The following HPS5 variants were observed in gnomAD, a reference collection of about 807,000 sequenced individuals.
HPS5 encodes BLOC-2 complex member HPS5.
Under a neutral mutation model 128.0 loss-of-function variants are expected in HPS5, and 83 were observed. That is an observed-to-expected ratio of 0.65 (90% CI 0.54 to 0.78). The LOEUF is 0.78. HPS5 is among the 30% of genes least tolerant of loss of function. HPS5 has a pLI of 0.00. For missense variants in HPS5, 1,281 were observed against 1,326.2 expected, an observed-to-expected ratio of 0.97 and a Z score of 0.53; for synonymous variants, 475 against 470.2, an observed-to-expected ratio of 1.01 and a Z score of -0.13.
At chr11:18,320,501 C>G (rs532860584) in intron 1 of HPS5, among the ~76,000 whole-genome samples, 11 of 152,342 alleles carry the variant, frequency 7.2e-5, no homozygotes, top group Non-Finnish European at 1.5e-4. Flanking sequence ...TATGCTGAAG[C>G]CTGATCACTT....
chr11:18,295,913 A>G, intron 13 of HPS5, 86 bp downstream of exon 13: 2 of 1,405,630 alleles, frequency 1.4e-6, no homozygotes, highest in Non-Finnish European at 2.0e-6. Context: ...CCTTTTTCTC[A>G]TTTTCCATTC....
Position 18,285,351 on chromosome 11 carries a change from A to C in HPS5, c.2946T>G (p.Ser982=), listed in dbSNP as rs930376161. The part of the protein sequence containing the change: ...TKEKMTDICR[S]CGFWPGYLIL... ...TCTAAAAAATTCTCACTTACCCACA[A>C]GACCTGCAGATGTCTGTCATTTTCT... Residue 982 remains serine, a synonymous_variant, in exon 20 of 23, where the codon TCT becomes TCG. Coordinates refer to ENST00000349215, the MANE Select transcript of HPS5 (RefSeq NM_181507.2). 2 of 1,601,392 alleles carry C rather than the reference A, an allele frequency of 1.2e-6. No individual in the cohort carries two copies. Among genetic ancestry groups the C allele is most frequent in the East Asian group, 2.2e-5 (1 of 44,746 alleles).
chr11:18,292,385 G>T (rs1015476898), intron 15 of HPS5, among the ~76,000 whole-genome samples: 3 of 151,852 alleles, frequency 2.0e-5, no homozygotes, highest in Non-Finnish European at 4.4e-5. Flanking sequence ...TGGTATTTGG[G>T]GTTTCATCAT....
chr11:18,316,011 C>T (rs1863579353), intron 2 of HPS5, among the ~76,000 whole-genome samples: 1 of 152,194 alleles, frequency 6.6e-6, no homozygotes. Flanking sequence ...TATCCCAGTG[C>T]TTTAGGGAAG....
rs555375138 is a variant in HPS5 at position 18,287,177 on chromosome 11, G to A, written c.2717+358C>T. Among the ~76,000 whole-genome samples, 19 of 152,284 alleles carry A rather than the reference G, an allele frequency of 1.2e-4. No homozygotes were observed. In the East Asian group the frequency reaches 2.9e-3, roughly 23 times the overall value. ...TGGGGAGACAGAAAATCAGACATCAGCCTAAAAAGAGAAGAGCTGGAACTG... is the reference window on the plus strand; with the variant it reads ...TGGGGAGACAGAAAATCAGACATCAACCTAAAAAGAGAAGAGCTGGAACTG... On this transcript the variant is annotated intron_variant, in intron 18 of 22. Transcript: ENST00000349215.
rs1232131741 is a variant in HPS5, at chr11:18,291,988, C to T, written c.1894G>A (p.Glu632Lys). 2.5e-6 allele frequency: 4 copies of T among 1,613,720 alleles called. No individual in the cohort carries two copies. The highest frequency in any genetic ancestry group is 2.5e-6 in the Non-Finnish European group (3 of 1,179,938). ...TKLQDPLVLF[E>K]SESLRMVLQE... ...AAAACCATTCTCAGAGACTCGGATTCAAATAAAACCAGAGGGTCCTGTAGC... is the reference window on the plus strand; with the variant it reads ...AAAACCATTCTCAGAGACTCGGATTTAAATAAAACCAGAGGGTCCTGTAGC... The change falls in exon 16 of 23, where the codon GAA becomes AAA. Residue 632 changes from glutamate (E) to lysine (K), a missense_variant. Physicochemically the swap from Glu to Lys is moderately conservative, Grantham distance 56. Coordinates refer to ENST00000349215, the MANE Select transcript of HPS5 (RefSeq NM_181507.2).
intron 9 of HPS5, 36 bp from the exon 10 acceptor site, chr11:18,299,006 A>G: frequency 6.3e-7 from 1 of 1,578,672 alleles, no homozygotes; most frequent in Non-Finnish European, 8.7e-7. Context: ...ACAAAATGTT[A>G]ACCAAATACC....
At chr11:18,311,768 C>G in intron 3 of HPS5, 146 bp downstream of exon 3, 1 of 741,174 alleles carries the variant, frequency 1.3e-6, no homozygotes, top group East Asian at 2.8e-5. Flanking sequence ...GCCTTGGCCT[C>G]CCAAAATGCT....
intron 1 of HPS5, among the ~76,000 whole-genome samples, chr11:18,319,325 T>G (rs1864031592): frequency 6.7e-6 from 1 of 149,516 alleles, no homozygotes; most frequent in Non-Finnish European, 1.5e-5. Context: ...GCAAACTGCT[T>G]TGTTAGAACT....
At position 18,282,050 on chromosome 11, in the gene HPS5, G is replaced by C. The variant is rs75482179; in HGVS notation, c.3229C>G (p.Arg1077Gly). 6.2e-7 allele frequency: 1 copy of C among 1,614,162 alleles called. No homozygotes were observed. The highest frequency in any genetic ancestry group is 8.5e-7 in the Non-Finnish European group (1 of 1,180,030). ...CATTCCTGTAGCAGTGACCAAGCCCGATCTGGGCCCATGGCCTTAGCTAAC... is the reference window on the plus strand; with the variant it reads ...CATTCCTGTAGCAGTGACCAAGCCCCATCTGGGCCCATGGCCTTAGCTAAC... ...LLLAKAMGPDRAWSLLQECGL... is the reference protein window; with the variant it reads ...LLLAKAMGPDGAWSLLQECGL... Residue 1077 changes from arginine to glycine, a missense_variant, in exon 22 of 23, where the codon CGG becomes GGG. By Grantham distance (125) the Arg-to-Gly change is moderately radical. Transcript: ENST00000349215.
In HPS5 at chr11:18,310,944, T is replaced by TGAGTCACAGAGGCAAACG; in HGVS notation, c.285-29_285-12dup. On this transcript the variant is annotated splice_polypyrimidine_tract_variant and intron_variant, in intron 4 of 22. Transcript: ENST00000349215. Reference sequence around the variant, plus strand: ...ACCACAAGACCTTGACTGCAAGAATTGAGTCACAGAGGCAAACGTGGCAAC... The same window carrying TGAGTCACAGAGGCAAACG: ...ACCACAAGACCTTGACTGCAAGAATTGAGTCACAGAGGCAAACGGAGTCACAGAGGCAAACGTGGCAAC... 6.2e-7 allele frequency: 1 copy of TGAGTCACAGAGGCAAACG among 1,612,768 alleles called. No homozygotes were observed. Among genetic ancestry groups the TGAGTCACAGAGGCAAACG allele is most frequent in the Non-Finnish European group, 8.5e-7 (1 of 1,178,782 alleles).
chr11:18,311,512 T>TTAA, intron 3 of HPS5, 61 bp from the exon 4 acceptor site: 1 of 482,396 alleles, frequency 2.1e-6, no homozygotes, highest in Non-Finnish European at 3.0e-6. Flanking sequence ...ATTATTATTA[T>TTAA]TTTTTTTTTT....
At chr11:18,281,862 C>CTA (rs1859013409) in intron 22 of HPS5, 88 bp downstream of exon 22, 1 of 1,475,920 alleles carries the variant, frequency 6.8e-7, no homozygotes, top group African/African-American at 1.4e-5. Flanking sequence ...TGGGTCGGGA[C>CTA]TAAATGATCT....
At position 18,291,983 on chromosome 11, in the gene HPS5, G is replaced by A. The variant is rs139188094; in HGVS notation, c.1899C>T (p.Ser633=). The A allele has an allele frequency of 2.3e-5, 37 of 1,613,416 alleles. No individual in the cohort carries two copies. The highest frequency in any genetic ancestry group is 6.7e-5 in the East Asian group (3 of 44,878). The change falls in exon 16 of 23, where the codon TCC becomes TCT. Residue 633 remains serine, a synonymous_variant. Coordinates refer to ENST00000349215, the MANE Select transcript of HPS5 (RefSeq NM_181507.2). ...KLQDPLVLFE[S]ESLRMVLQEW... ...CCTGTAAAACCATTCTCAGAGACTCGGATTCAAATAAAACCAGAGGGTCCT... is the reference window on the plus strand; with the variant it reads ...CCTGTAAAACCATTCTCAGAGACTCAGATTCAAATAAAACCAGAGGGTCCT...
At chr11:18,310,956 G>C in intron 4 of HPS5, 23 bp from the exon 5 acceptor site, 1 of 1,594,076 alleles carries the variant, frequency 6.3e-7, no homozygotes, top group Admixed American at 1.7e-5. Flanking sequence ...AGTCACAGAG[G>C]CAAACGTGGC....
intron 12 of HPS5, chr11:18,296,402 T>C (rs1180280641): frequency 1.8e-6 from 1 of 541,614 alleles, no homozygotes; most frequent in African/African-American, 1.9e-5. Flanking sequence ...TCTCACTAGT[T>C]CAGCCACAGG....
At position 18,295,005 on chromosome 11, in the gene HPS5, T is replaced by C. The variant is rs1390058719; in HGVS notation, c.1784+15A>G. 8.7e-6 allele frequency: 14 copies of C among 1,613,768 alleles called. No homozygotes were observed. The highest frequency in any genetic ancestry group is 5.0e-5 in the Admixed American group (3 of 59,998). On this transcript the variant is annotated intron_variant, in intron 14 of 22. Coordinates refer to ENST00000349215, the MANE Select transcript of HPS5 (RefSeq NM_181507.2). The stretch of plus-strand genomic sequence containing the variant: ...ATTCCCTAGAATGTATAGAGATTTA[T>C]GTGTAAGGGCTTACTCAGTGTCTTC...
chr11:18,295,153 G>C lies in HPS5; in HGVS notation c.1651C>G (p.Arg551Gly), dbSNP rs576840531. ...GTGCCAATCTTCTCAGTAGTTTTAC[G>C]CACAAAGCTAGAAACACTAGAAGTC... ...AVKESVSSFV[R>G]KTTEKIGTLH... Residue 551 changes from arginine (R) to glycine (G), a missense_variant, in exon 14 of 23, where the codon CGT (arginine) becomes GGT (glycine). Coordinates refer to ENST00000349215, the MANE Select transcript of HPS5 (RefSeq NM_181507.2). 1 of 1,613,906 alleles carries C rather than the reference G, an allele frequency of 6.2e-7. No individual in the cohort carries two copies. The highest frequency in any genetic ancestry group is 8.5e-7 in the Non-Finnish European group (1 of 1,179,944).
At chr11:18,292,118 C>A in intron 15 of HPS5, 99 bp from the exon 16 acceptor site, 1 of 859,838 alleles carries the variant, frequency 1.2e-6, no homozygotes, top group South Asian at 1.4e-5. Flanking sequence ...GTAACATACT[C>A]ATCTGGAATA....
Sources: gnomAD v4.1 joint callset for allele counts (sites outside exome capture counted in the v4.1 genomes callset) on GRCh38, gnomAD v4.1.1 for gene constraint, MANE v1.5 for transcripts, NCBI Gene and HGNC (gene_info 2026-07-23, HGNC 2026-07-21) for gene names.